The following ANK3 variants were observed in gnomAD, a reference collection of about 807,000 sequenced individuals.
The protein encoded by ANK3 is ankyrin 3.
Under a neutral mutation model 370.9 loss-of-function variants are expected in ANK3, and 57 were observed. That is an observed-to-expected ratio of 0.15 (90% CI 0.12 to 0.19). The LOEUF is 0.19. Among genes scored for constraint, ANK3 ranks in the 10% least tolerant of loss-of-function variants. The pLI, the probability that ANK3 is intolerant of heterozygous loss-of-function variation, is 1.00. For missense variants in ANK3, 4,439 were observed against 5,302.1 expected, an observed-to-expected ratio of 0.84 and a Z score of 5.06; for synonymous variants, 1,929 against 1,946.3, an observed-to-expected ratio of 0.99 and a Z score of 0.23.
At position 60,311,474 on chromosome 10, in the gene ANK3, C is replaced by CAAA. The variant is rs57897005; in HGVS notation, c.115-31838_115-31836dup. On this transcript the variant is annotated intron_variant, in intron 1 of 43. Coordinates refer to ENST00000280772, the MANE Select transcript of ANK3 (RefSeq NM_020987.5). The stretch of plus-strand genomic sequence containing the variant: ...ACTAAGTAATTGGGTATATGGAAGC[C>CAAA]AAAAAAAAAAAAAAAAAAAAAGAGA... Among the ~76,000 whole-genome samples the CAAA allele has an allele frequency of 3.8e-3, 483 of 125,806 alleles. 1 individual carries two copies. Among genetic ancestry groups the CAAA allele is most frequent in the Non-Finnish European group, 5.4e-3 (327 of 60,488 alleles). 82.5% of individuals were successfully genotyped at this position (125,806 alleles called of 152,430 possible). A position where few individuals can be genotyped will look rare whatever the true frequency, so the allele number is the denominator to read the frequency against.
At chr10:60,335,570 A>G (rs1183479173) in intron 1 of ANK3, among the ~76,000 whole-genome samples, 3 of 152,186 alleles carry the variant, frequency 2.0e-5, no homozygotes, top group African/African-American at 7.2e-5. Flanking sequence ...CCAGGGCAAG[A>G]CATCAAACTA....
At position 60,071,016 on chromosome 10, in the gene ANK3, C is replaced by T. The variant is rs778284062; in HGVS notation, c.9865G>A (p.Glu3289Lys). The change falls in exon 37 of 44, where the codon GAG becomes AAG. Residue 3289 changes from glutamate to lysine, a missense_variant. This residue lies in a region of ANK3 where 1,601 missense variants were observed against 1,731.7 expected (regional missense o/e 0.92). Coordinates refer to ENST00000280772, the MANE Select transcript of ANK3 (RefSeq NM_020987.5). ...VDMIEVNLQD[E>K]HDKYQLAEPV... ...TCAGCCAGCTGGTACTTGTCATGCT[C>T]ATCTTGCAGATTGACTTCAATCATG... is the stretch of plus-strand genomic sequence containing the variant. The T allele has an allele frequency of 1.2e-6, 2 of 1,614,134 alleles. No individual in the cohort carries two copies. Among genetic ancestry groups the T allele is most frequent in the South Asian group, 1.1e-5 (1 of 91,080 alleles).
At chr10:60,302,281 G>A (rs1221503254) in intron 1 of ANK3, among the ~76,000 whole-genome samples, 1 of 151,946 alleles carries the variant, frequency 6.6e-6, no homozygotes, top group East Asian at 1.9e-4. Context: ...TTTAATAGTG[G>A]CAATAATGTC....
intron 3 of ANK3, 74 bp downstream of exon 3, chr10:60,278,976 C>G: frequency 6.5e-7 from 1 of 1,545,598 alleles, no homozygotes; most frequent in Admixed American, 1.7e-5. Flanking sequence ...ATATGTGCCC[C>G]CATTCTTACT....
At chr10:60,345,016 G>A (rs143434536) in intron 1 of ANK3, among the ~76,000 whole-genome samples, 47 of 152,232 alleles carry the variant, frequency 3.1e-4, no homozygotes, top group African/African-American at 1.1e-3. Flanking sequence ...CCATGGGTTT[G>A]CTAGTAAATG....
In ANK3 at chr10:60,682,468, T is replaced by G. The variant is rs536187878; in HGVS notation, c.57+50795A>C. On this transcript the variant is annotated intron_variant, in intron 1 of 43. Transcript: ENST00000373827. ...TTTGGCCCAGTTCCTGGCTCCGGAC[T>G]CCCATTGCCCTTGTTACAGTCTTTT... is the stretch of plus-strand genomic sequence containing the variant. 2.6e-5 allele frequency among the ~76,000 whole-genome samples: 4 copies of G among 152,196 alleles called. No homozygotes were observed. The South Asian group carries it at 6.2e-4, about 24-fold the overall frequency.
At chr10:60,165,786 T>C (rs868599235) in intron 23 of ANK3, among the ~76,000 whole-genome samples, 1 of 152,186 alleles carries the variant, frequency 6.6e-6, no homozygotes, top group Non-Finnish European at 1.5e-5. Context: ...TAGACTGTAT[T>C]TGATGATCTC....
chr10:60,414,311 C>G (rs1041307212), intron 2 of ANK3, among the ~76,000 whole-genome samples: 1 of 152,146 alleles, frequency 6.6e-6, no homozygotes, highest in Admixed American at 6.5e-5. Flanking sequence ...TGAACCAGAG[C>G]CTGTTGTGTT....
intron 5 of ANK3, among the ~76,000 whole-genome samples, chr10:60,265,061 T>G (rs1352092743): frequency 6.6e-6 from 1 of 152,104 alleles, no homozygotes; most frequent in Non-Finnish European, 1.5e-5. Flanking sequence ...TGTGGACAAA[T>G]CCAGCTAAGT....
chr10:60,600,315 A>G (rs867917656), intron 2 of ANK3, among the ~76,000 whole-genome samples: 3 of 151,784 alleles, frequency 2.0e-5, no homozygotes, highest in African/African-American at 7.3e-5. Flanking sequence ...TGCCAAGACT[A>G]CTCCTAATTC....
intron 23 of ANK3, among the ~76,000 whole-genome samples, chr10:60,161,757 G>A (rs1269848701): frequency 6.6e-6 from 1 of 152,066 alleles, no homozygotes; most frequent in Non-Finnish European, 1.5e-5. Flanking sequence ...GGATAAAGAG[G>A]GGATGGTTAA....
intron 2 of ANK3, among the ~76,000 whole-genome samples, chr10:60,574,103 G>T (rs998241701): frequency 2.0e-5 from 3 of 152,108 alleles, no homozygotes; most frequent in Non-Finnish European, 2.9e-5. Flanking sequence ...TAAACCAAAA[G>T]AACAGATCTG....
Position 60,041,091 on chromosome 10 carries a change from T to G in ANK3, c.*19+1581A>C, listed in dbSNP as rs1001472416. On this transcript the variant is annotated intron_variant, in intron 43 of 43. Coordinates refer to ENST00000280772, the MANE Select transcript of ANK3 (RefSeq NM_020987.5). ...AATAAAAACCAAGTTGTGTTGAAATTTTTTTATTTAGCCATCCTCACTGCC... is the reference window on the plus strand; with the variant it reads ...AATAAAAACCAAGTTGTGTTGAAATGTTTTTATTTAGCCATCCTCACTGCC... Among the ~76,000 whole-genome samples, 90 of 152,302 alleles carry G rather than the reference T, an allele frequency of 5.9e-4. 1 individual carries two copies. The highest frequency in any genetic ancestry group is 3.4e-3 in the Middle Eastern group (1 of 294).
chr10:60,518,596 C>T (rs2076278114), intron 2 of ANK3, among the ~76,000 whole-genome samples: 1 of 152,144 alleles, frequency 6.6e-6, no homozygotes. Flanking sequence ...ATACAGTGTA[C>T]TCAGAAGCGT....
At chr10:60,559,976 G>A (rs1440731316) in intron 2 of ANK3, among the ~76,000 whole-genome samples, 2 of 152,076 alleles carry the variant, frequency 1.3e-5, no homozygotes. Context: ...CTGGGAGGCA[G>A]AGGTTGCAGT....
chr10:60,272,559 A>C (rs957747835), intron 4 of ANK3, among the ~76,000 whole-genome samples: 2 of 151,964 alleles, frequency 1.3e-5, no homozygotes, highest in Non-Finnish European at 2.9e-5. Context: ...AGCTCACTGC[A>C]ACCTCCACCT....
At chr10:60,450,155 T>C (rs1595057951) in intron 2 of ANK3, among the ~76,000 whole-genome samples, 1 of 151,834 alleles carries the variant, frequency 6.6e-6, no homozygotes, top group African/African-American at 2.4e-5. Context: ...AATTAGCTGG[T>C]CATGGTGAAG....
chr10:60,259,787 T>G (rs1443574361), intron 7 of ANK3, among the ~76,000 whole-genome samples: 1 of 152,172 alleles, frequency 6.6e-6, no homozygotes, highest in Non-Finnish European at 1.5e-5. Flanking sequence ...AGATGTAACT[T>G]AATGAGGTTT....
At chr10:60,661,133 T>C (rs1588988040) in intron 1 of ANK3, among the ~76,000 whole-genome samples, 2 of 149,444 alleles carry the variant, frequency 1.3e-5, no homozygotes, top group Admixed American at 1.3e-4. Context: ...GGGCTAGGGG[T>C]AGAGCAGGGA....
Sources: gnomAD v4.1 joint callset for allele counts (sites outside exome capture counted in the v4.1 genomes callset) on GRCh38, gnomAD v4.1.1 for gene constraint, gnomAD v4.1.1 regional missense constraint, MANE v1.5 for transcripts, NCBI Gene and HGNC (gene_info 2026-07-23, HGNC 2026-07-21) for gene names.